Variants in DNAH3 observed in about 807,000 individuals in gnomAD.
DNAH3 encodes dynein axonemal heavy chain 3.
Under a neutral mutation model 432.5 loss-of-function variants are expected in DNAH3, and 332 were observed. That is an observed-to-expected ratio of 0.77 (90% CI 0.70 to 0.84). DNAH3 has a LOEUF of 0.84. Among genes scored for constraint, DNAH3 ranks in the 40% least tolerant of loss-of-function variants. The pLI is 0.00. For synonymous variants in DNAH3, 1,956 were observed against 1,900.2 expected (o/e 1.03, Z -0.76); for missense variants, 4,861 against 5,114.0 (o/e 0.95, Z 1.51).
chr16:21,019,625 T>G lies in DNAH3; in HGVS notation c.6021A>C (p.Arg2007Ser). Reference sequence around the variant, plus strand: ...CATAACAAACAGGTTCTAAATTACCTCTTTCTGGAAAGATGTTGTTTTTGG... The same window carrying G: ...CATAACAAACAGGTTCTAAATTACCGCTTTCTGGAAAGATGTTGTTTTTGG... Residue 2007 changes from arginine to serine, a missense_variant and splice_region_variant, in exon 41 of 62, where the codon AGA becomes AGC. Physicochemically the swap from Arg to Ser is moderately radical, Grantham distance 110 (BLOSUM62 -1). Transcript: ENST00000261383. The G allele has an allele frequency of 6.2e-7, 1 of 1,614,086 alleles. No individual in the cohort carries two copies.
intron 5 of DNAH3, 82 bp from the exon 7 acceptor site, chr16:21,136,595 A>T: frequency 7.7e-7 from 1 of 1,295,518 alleles, no homozygotes; most frequent in African/African-American, 1.5e-5. Flanking sequence ...CTGCCAAGGG[A>T]CCCCATTCAT....
exon 2 of DNAH3, chr16:21,146,013 C>T: frequency 6.2e-7 from 1 of 1,613,440 alleles, no homozygotes. Flanking sequence ...TCCTCATTAG[C>T]AGAAGCAGGC....
intron 50 of DNAH3, among the ~76,000 whole-genome samples, chr16:20,977,425 G>A (rs948989661): frequency 2.0e-5 from 3 of 152,174 alleles, no homozygotes; most frequent in African/African-American, 7.2e-5. Flanking sequence ...AGCTTTTCCT[G>A]ATGCAGAGCT....
exon 16 of DNAH3, chr16:21,104,539 A>G: frequency 6.2e-7 from 1 of 1,614,012 alleles, no homozygotes; most frequent in South Asian, 1.1e-5. Flanking sequence ...TGTCAAAGAT[A>G]TCTTCAATCT....
chr16:21,157,514 G>A (rs1411016465), intron 1 of DNAH3, among the ~76,000 whole-genome samples: 1 of 152,008 alleles, frequency 6.6e-6, no homozygotes, highest in Non-Finnish European at 1.5e-5. Flanking sequence ...ATTTTTAGTA[G>A]AGATGGGGTT....
chr16:20,963,032 G>C (rs1329361555), intron 53 of DNAH3, among the ~76,000 whole-genome samples: 1 of 149,316 alleles, frequency 6.7e-6, no homozygotes. Flanking sequence ...CTCCATTTCT[G>C]GTTCTCTTGA....
intron 19 of DNAH3, among the ~76,000 whole-genome samples, chr16:21,085,746 C>CA (rs775064574): frequency 1.3e-5 from 2 of 151,918 alleles, no homozygotes; most frequent in East Asian, 3.9e-4. Flanking sequence ...ACTGTGTTGT[C>CA]ATTGGGTCCT....
rs1285343454 is a variant in DNAH3, at chr16:21,064,650, CCTCT to C, written c.3519-1971_3519-1968del. 6.6e-5 allele frequency among the ~76,000 whole-genome samples: 10 copies of C among 152,246 alleles called. No homozygotes were observed. In the East Asian group the frequency reaches 1.3e-3, roughly 21 times the overall value. On this transcript the variant is annotated intron_variant, in intron 24 of 61. Transcript: ENST00000261383. ...GGGTGATCTCTATGGATATACACTCCCTCTATCTCCATCATGTGCTATAATGAAT... is the reference window on the plus strand; with the variant it reads ...GGGTGATCTCTATGGATATACACTCCATCTCCATCATGTGCTATAATGAAT...
At chr16:20,989,964 C>G (rs1031637489) in intron 44 of DNAH3, among the ~76,000 whole-genome samples, 1 of 152,230 alleles carries the variant, frequency 6.6e-6, no homozygotes, top group Admixed American at 6.5e-5. Context: ...CACGCCCACC[C>G]GGAACTCCAG....
chr16:20,984,161 A>ACG (rs140740829), intron 48 of DNAH3, among the ~76,000 whole-genome samples: 1 of 150,610 alleles, frequency 6.6e-6, no homozygotes, highest in Non-Finnish European at 1.5e-5. Flanking sequence ...CCTTATCCCA[A>ACG]TGTGTGTGTG....
At chr16:20,935,558 G>C in intron 60 of DNAH3, 73 bp from the exon 61 acceptor site, 5 of 1,501,788 alleles carry the variant, frequency 3.3e-6, no homozygotes, top group Non-Finnish European at 4.5e-6. Context: ...GTAATGTAAC[G>C]AGTACCATAT....
intron 15 of DNAH3, among the ~76,000 whole-genome samples, chr16:21,105,483 C>A (rs1024973850): frequency 3.9e-5 from 6 of 152,074 alleles, no homozygotes; most frequent in Non-Finnish European, 7.4e-5. Flanking sequence ...TACAGATGGG[C>A]GGCCAGGGGC....
chr16:20,972,238 CTTTTT>C (rs567074716), intron 51 of DNAH3, among the ~76,000 whole-genome samples: 2 of 143,018 alleles, frequency 1.4e-5, no homozygotes, highest in African/African-American at 5.2e-5. Context: ...TTTTTTCTCT[CTTTTT>C]TTTTTTTTGA....
chr16:21,049,956 C>T, exon 30 of DNAH3: 3 of 1,614,202 alleles, frequency 1.9e-6, no homozygotes, highest in Non-Finnish European at 2.5e-6. Flanking sequence ...TTCTGTCTTG[C>T]CAGTCCCAGC....
intron 41 of DNAH3, among the ~76,000 whole-genome samples, chr16:21,003,738 G>A (rs2087141603): frequency 6.6e-6 from 1 of 152,106 alleles, no homozygotes; most frequent in South Asian, 2.1e-4. Flanking sequence ...TTGTGTCACT[G>A]CACTCCAGCC....
At chr16:21,100,476 A>T (rs1354977236) in intron 16 of DNAH3, among the ~76,000 whole-genome samples, 5 of 152,208 alleles carry the variant, frequency 3.3e-5, no homozygotes, top group Admixed American at 1.3e-4. Flanking sequence ...AAAACATTTC[A>T]TTCATTCACT....
chr16:21,067,368 T>C, exon 24 of DNAH3: 1 of 1,614,044 alleles, frequency 6.2e-7, no homozygotes, highest in Non-Finnish European at 8.5e-7. Context: ...TCTTGAAGCT[T>C]CTCTGCCATC....
Position 21,042,179 on chromosome 16 carries a change from G to A in DNAH3, c.4486C>T (p.Gln1496Ter). ...GCTTGTTGGATGCTGAGGATCTGCTGAGCGACCACAGACAGCACTTCTACC... is the reference window on the plus strand; with the variant it reads ...GCTTGTTGGATGCTGAGGATCTGCTAAGCGACCACAGACAGCACTTCTACC... The change falls in exon 32 of 62, where the codon CAG becomes TAG. Residue 1496 changes from glutamine to a stop codon, truncating the protein, a stop_gained. Transcript: ENST00000261383. LOFTEE classifies it high-confidence loss of function. The A allele has an allele frequency of 3.1e-6, 5 of 1,609,204 alleles. No homozygotes were observed. Among genetic ancestry groups the A allele is most frequent in the Non-Finnish European group, 4.2e-6 (5 of 1,178,202 alleles).
At chr16:21,152,383 A>G (rs1392962467) in intron 1 of DNAH3, among the ~76,000 whole-genome samples, 1 of 152,192 alleles carries the variant, frequency 6.6e-6, no homozygotes, top group Admixed American at 6.5e-5. Flanking sequence ...GAACACAAAC[A>G]TTCCCGAGTT....
Sources: gnomAD v4.1 joint callset for allele counts (sites outside exome capture counted in the v4.1 genomes callset) on GRCh38, gnomAD v4.1.1 for gene constraint, MANE v1.5 for transcripts, NCBI Gene and HGNC (gene_info 2026-07-23, HGNC 2026-07-21) for gene names.